SEMA6D: variants seen among roughly 807,000 people sequenced by gnomAD.
SEMA6D encodes semaphorin 6D.
Under a neutral mutation model 106.6 loss-of-function variants are expected in SEMA6D, and 35 were observed. The observed-to-expected ratio is 0.33, with a 90% confidence interval of 0.25 to 0.44. The LOEUF (loss-of-function observed/expected upper bound fraction) is 0.44, where lower values mean the gene tolerates loss of function less well. Ranked by LOEUF, SEMA6D falls within the 20% of genes least tolerant of loss-of-function variation. The pLI, the probability that SEMA6D is intolerant of heterozygous loss-of-function variation, is 1.00. For synonymous variants in SEMA6D, 499 were observed against 487.7 expected (o/e 1.02, Z -0.31); for missense variants, 1,185 against 1,345.9 (o/e 0.88, Z 1.87).
chr15:47,582,240 G>A (rs757066258), intron 3 of SEMA6D, among the ~76,000 whole-genome samples: 5 of 152,202 alleles, frequency 3.3e-5, no homozygotes, highest in Non-Finnish European at 7.3e-5. Context: ...GTCAGCGGAT[G>A]TCCAGAGTGC....
intron 3 of SEMA6D, among the ~76,000 whole-genome samples, chr15:47,551,664 T>G (rs547130063): frequency 4.2e-5 from 6 of 143,690 alleles, no homozygotes; most frequent in Non-Finnish European, 9.1e-5. Context: ...AAGTCTAACA[T>G]CTGGGACTCT....
intron 1 of SEMA6D, among the ~76,000 whole-genome samples, chr15:47,201,670 G>A (rs1256714902): frequency 6.6e-6 from 1 of 152,062 alleles, no homozygotes; most frequent in Non-Finnish European, 1.5e-5. Context: ...CACTGAAGCC[G>A]TAATGTTTAA....
chr15:47,302,903 A>G (rs1024873081), intron 1 of SEMA6D, among the ~76,000 whole-genome samples: 13 of 152,316 alleles, frequency 8.5e-5, no homozygotes, highest in East Asian at 3.9e-4. Flanking sequence ...CCACTGATAC[A>G]TGGTAATTTA....
intron 1 of SEMA6D, among the ~76,000 whole-genome samples, chr15:47,227,887 A>G (rs1265662501): frequency 1.4e-5 from 2 of 144,688 alleles, no homozygotes; most frequent in African/African-American, 5.0e-5. Context: ...AGAATCATAT[A>G]TATTTTATAT....
intron 2 of SEMA6D, among the ~76,000 whole-genome samples, chr15:47,463,009 A>G (rs1487008144): frequency 6.6e-6 from 1 of 152,138 alleles, no homozygotes; most frequent in Non-Finnish European, 1.5e-5. Flanking sequence ...AGACCAATTC[A>G]ATGATGAACT....
intron 1 of SEMA6D, among the ~76,000 whole-genome samples, chr15:47,224,153 A>G (rs1359402396): frequency 2.9e-5 from 4 of 138,506 alleles, no homozygotes; most frequent in Non-Finnish European, 6.2e-5. Context: ...AACTTAAAGT[A>G]TAATAATAAA....
chr15:47,631,801 C>T (rs1177526374), intron 4 of SEMA6D, among the ~76,000 whole-genome samples: 1 of 151,912 alleles, frequency 6.6e-6, no homozygotes, highest in East Asian at 1.9e-4. Context: ...TTTGAAACCA[C>T]CAAGTTTGTG....
intron 2 of SEMA6D, among the ~76,000 whole-genome samples, chr15:47,452,276 A>T (rs2140940301): frequency 6.6e-6 from 1 of 151,772 alleles, no homozygotes; most frequent in African/African-American, 2.4e-5. Context: ...GAAACCTATC[A>T]TCACTACTTT....
At chr15:47,473,034 A>C (rs1349685974) in intron 3 of SEMA6D, among the ~76,000 whole-genome samples, 1 of 152,244 alleles carries the variant, frequency 6.6e-6, no homozygotes, top group East Asian at 1.9e-4. Flanking sequence ...CCAAAGAGTC[A>C]TGGGAACTTC....
At chr15:47,302,742 TG>T (rs2036072552) in intron 1 of SEMA6D, among the ~76,000 whole-genome samples, 1 of 152,136 alleles carries the variant, frequency 6.6e-6, no homozygotes, top group Non-Finnish European at 1.5e-5. Flanking sequence ...AACAAAGGGA[TG>T]GGGGTAGCCT....
At chr15:47,549,127 G>A (rs754398316) in intron 3 of SEMA6D, among the ~76,000 whole-genome samples, 28 of 152,090 alleles carry the variant, frequency 1.8e-4, no homozygotes, top group Non-Finnish European at 3.1e-4. Context: ...CTCCAGTCCC[G>A]ATGGAGCCAA....
chr15:47,749,319 G>A (rs1457795477), intron 1 of SEMA6D, among the ~76,000 whole-genome samples: 1 of 152,030 alleles, frequency 6.6e-6, no homozygotes, highest in Non-Finnish European at 1.5e-5. Flanking sequence ...GACCTCAAGT[G>A]ATCTGACCAC....
chr15:47,325,257 T>G (rs36124208), intron 1 of SEMA6D, among the ~76,000 whole-genome samples: 30,307 of 151,602 alleles, frequency 0.2, 3,645 homozygotes, highest in African/African-American at 0.33. Flanking sequence ...CACTGCAACC[T>G]CCACCTCCCG....
At chr15:47,622,770 G>A (rs1406671721) in intron 4 of SEMA6D, among the ~76,000 whole-genome samples, 1 of 152,174 alleles carries the variant, frequency 6.6e-6, no homozygotes, top group East Asian at 1.9e-4. Flanking sequence ...TTCCACTGAA[G>A]GCTTGGGAGC....
At chr15:47,715,608 G>A (rs909940613), upstream of SEMA6D, among the ~76,000 whole-genome samples, 20 of 152,210 alleles carry the variant, frequency 1.3e-4, no homozygotes, top group African/African-American at 4.6e-4. Context: ...CTGAAAACAC[G>A]GCTAATCCAT....
chr15:47,370,827 C>T (rs886944474), intron 1 of SEMA6D, among the ~76,000 whole-genome samples: 1 of 151,932 alleles, frequency 6.6e-6, no homozygotes, highest in African/African-American at 2.4e-5. Context: ...GATCGTGCCA[C>T]TGCACTCCAG....
chr15:47,479,043 T>C (rs780985880), intron 3 of SEMA6D, among the ~76,000 whole-genome samples: 9 of 151,960 alleles, frequency 5.9e-5, no homozygotes, highest in Non-Finnish European at 1.0e-4. Flanking sequence ...CAATGACACA[T>C]AGGGATTATG....
intron 3 of SEMA6D, among the ~76,000 whole-genome samples, chr15:47,552,826 A>ATT (rs71118185): frequency 0.52 from 26,421 of 51,242 alleles, 8,704 homozygotes; most frequent in Non-Finnish European, 0.59. Context: ...AAATATATAT[A>ATT]TTTTTATATA....
chr15:47,379,858 A>G (rs1450261225), intron 1 of SEMA6D, among the ~76,000 whole-genome samples: 1 of 152,162 alleles, frequency 6.6e-6, no homozygotes, highest in Admixed American at 6.5e-5. Flanking sequence ...CCTGGATTCA[A>G]ACAATTCTTC....
Sources: gnomAD v4.1 joint callset for allele counts (sites outside exome capture counted in the v4.1 genomes callset) on GRCh38, gnomAD v4.1.1 for gene constraint, MANE v1.5 for transcripts, NCBI Gene and HGNC (gene_info 2026-07-23, HGNC 2026-07-21) for gene names.